DLGAP2: variants seen among roughly 807,000 people sequenced by gnomAD.
DLGAP2 encodes the protein disks large-associated protein 2.
Under a neutral mutation model 100.3 loss-of-function variants are expected in DLGAP2, and 26 were observed. That is an observed-to-expected ratio of 0.26 (90% CI 0.19 to 0.36). The LOEUF (loss-of-function observed/expected upper bound fraction) is 0.36. Among genes scored for constraint, DLGAP2 ranks in the 10% least tolerant of loss-of-function variants. The pLI, the probability that DLGAP2 is intolerant of heterozygous loss-of-function variation, is 1.00. For missense variants in DLGAP2, 1,858 were observed against 1,453.2 expected, an observed-to-expected ratio of 1.28 and a Z score of -4.53; for synonymous variants, 886 against 630.1, an observed-to-expected ratio of 1.41 and a Z score of -6.08.
chr8:1,615,523 C>G (rs964755561), intron 6 of DLGAP2, among the ~76,000 whole-genome samples: 1 of 152,082 alleles, frequency 6.6e-6, no homozygotes, highest in Non-Finnish European at 1.5e-5. Flanking sequence ...ATTGTAAGGT[C>G]TTATGAATGA....
Position 1,495,086 on chromosome 8 carries a change from C to T in DLGAP2, c.107-6280C>T, listed in dbSNP as rs1799504556. Among the ~76,000 whole-genome samples the T allele has an allele frequency of 2.0e-5, 3 of 152,338 alleles. No individual in the cohort carries two copies. The South Asian group carries it at 6.2e-4, about 32-fold the overall frequency. On this transcript the variant is annotated intron_variant, in intron 3 of 14. Coordinates refer to ENST00000637795, the MANE Select transcript of DLGAP2 (RefSeq NM_001346810.2). Reference sequence around the variant, plus strand: ...CCAGGACCGACACCAGGTGGCAGCTCAGCCCCTGGCGGTCTTGGTGCCCTC... The same window carrying T: ...CCAGGACCGACACCAGGTGGCAGCTTAGCCCCTGGCGGTCTTGGTGCCCTC...
At chr8:1,320,652 C>G (rs1357268878) in intron 3 of DLGAP2, among the ~76,000 whole-genome samples, 1 of 152,186 alleles carries the variant, frequency 6.6e-6, no homozygotes, top group Admixed American at 6.5e-5. Flanking sequence ...CAGGTGTCCC[C>G]AAGCACGACA....
At chr8:1,115,369 C>T (rs1048378340) in intron 2 of DLGAP2, among the ~76,000 whole-genome samples, 1 of 152,120 alleles carries the variant, frequency 6.6e-6, no homozygotes, top group Non-Finnish European at 1.5e-5. Context: ...TCTGGGTGCT[C>T]CTGTGTTGGA....
chr8:839,029 A>C (rs569915035), intron 1 of DLGAP2, among the ~76,000 whole-genome samples: 1 of 152,224 alleles, frequency 6.6e-6, no homozygotes, highest in Admixed American at 6.5e-5. Flanking sequence ...ATATGACCAC[A>C]GTGGGATATC....
chr8:786,424 C>T (rs887332579), intron 1 of DLGAP2, among the ~76,000 whole-genome samples: 10 of 152,110 alleles, frequency 6.6e-5, no homozygotes, highest in African/African-American at 1.9e-4. Context: ...AAAGAATGAC[C>T]GAGAGGGAAG....
chr8:1,668,737 G>A, intron 9 of DLGAP2, 59 bp downstream of exon 9: 2 of 1,428,074 alleles, frequency 1.4e-6, no homozygotes, highest in Non-Finnish European at 1.8e-6. Flanking sequence ...CAATAGCCTA[G>A]AATAAGCCAA....
At chr8:1,323,526 C>A (rs548155971) in intron 3 of DLGAP2, among the ~76,000 whole-genome samples, 1 of 152,148 alleles carries the variant, frequency 6.6e-6, no homozygotes, top group Non-Finnish European at 1.5e-5. Flanking sequence ...AGTACCAGGG[C>A]GAGTGTAGTG....
At position 1,697,218 on chromosome 8, in the gene DLGAP2, T is replaced by G; in HGVS notation, c.2868T>G (p.Ile956Met). 1 of 1,611,834 alleles carries G rather than the reference T, an allele frequency of 6.2e-7. No individual in the cohort carries two copies. The highest frequency in any genetic ancestry group is 8.5e-7 in the Non-Finnish European group (1 of 1,178,914). Residue 956 changes from isoleucine (I) to methionine (M), a missense_variant, in exon 14 of 15, where the codon ATT becomes ATG. Coordinates refer to ENST00000637795, the MANE Select transcript of DLGAP2 (RefSeq NM_001346810.2). ...ACTGGGACATGCTGCAGCTCTCCAT[T>G]GAGGACGTCAGCATGAAGTTCGACG... ...AGYWDMLQLS[I>M]EDVSMKFDEL... is the part of the protein sequence containing the mutation.
chr8:1,146,774 C>T (rs1018972509), intron 2 of DLGAP2, among the ~76,000 whole-genome samples: 1 of 152,206 alleles, frequency 6.6e-6, no homozygotes, highest in Admixed American at 6.5e-5. Context: ...ACAAGCCGTC[C>T]CCACTGTCCT....
At chr8:939,877 G>C (rs1337458481) in intron 2 of DLGAP2, among the ~76,000 whole-genome samples, 1 of 151,768 alleles carries the variant, frequency 6.6e-6, no homozygotes, top group Non-Finnish European at 1.5e-5. Flanking sequence ...CACAGGGGCT[G>C]GGGTGCCCAC....
chr8:804,512 G>A (rs904048262), intron 1 of DLGAP2, among the ~76,000 whole-genome samples: 8 of 152,156 alleles, frequency 5.3e-5, no homozygotes, highest in African/African-American at 1.7e-4. Flanking sequence ...ATCAGGTGAC[G>A]AGATGCAGGG....
intron 8 of DLGAP2, among the ~76,000 whole-genome samples, chr8:1,634,993 C>T (rs1797734274): frequency 6.6e-6 from 1 of 152,106 alleles, no homozygotes; most frequent in Non-Finnish European, 1.5e-5. Flanking sequence ...CTAGGTGATG[C>T]AGGGGACTGT....
At chr8:1,654,045 A>T (rs1252524727) in intron 8 of DLGAP2, among the ~76,000 whole-genome samples, 3 of 152,232 alleles carry the variant, frequency 2.0e-5, no homozygotes, top group Admixed American at 2.0e-4. Flanking sequence ...TGCCATGTGC[A>T]TGGTAAAAAT....
At chr8:783,116 C>T (rs1343110219) in intron 1 of DLGAP2, among the ~76,000 whole-genome samples, 3 of 152,182 alleles carry the variant, frequency 2.0e-5, no homozygotes, top group South Asian at 4.1e-4. Flanking sequence ...ATAATGTGAC[C>T]AACACAAGGT....
intron 2 of DLGAP2, among the ~76,000 whole-genome samples, chr8:994,281 A>C (rs1429633888): frequency 2.6e-5 from 4 of 151,988 alleles, no homozygotes; most frequent in Non-Finnish European, 5.9e-5. Context: ...GCTCACTGCA[A>C]CCTCCACCTC....
chr8:1,392,306 G>T (rs900712981), intron 3 of DLGAP2, among the ~76,000 whole-genome samples: 1 of 152,130 alleles, frequency 6.6e-6, no homozygotes, highest in African/African-American at 2.4e-5. Flanking sequence ...GGGTTGAGGC[G>T]CCATCTGGAT....
At chr8:765,995 A>G (rs961024050) in intron 1 of DLGAP2, among the ~76,000 whole-genome samples, 17 of 152,118 alleles carry the variant, frequency 1.1e-4, no homozygotes, top group African/African-American at 3.4e-4. Context: ...GGTGAAACCC[A>G]GTCTCTACTA....
intron 4 of DLGAP2, among the ~76,000 whole-genome samples, chr8:1,526,961 G>T: frequency 6.6e-6 from 1 of 152,222 alleles, no homozygotes; most frequent in Admixed American, 6.5e-5. Flanking sequence ...CTCGAGTTAG[G>T]CTGCAAGCAG....
chr8:1,026,429 C>T (rs1801802234), intron 2 of DLGAP2, among the ~76,000 whole-genome samples: 1 of 152,180 alleles, frequency 6.6e-6, no homozygotes, highest in Non-Finnish European at 1.5e-5. Flanking sequence ...TTGGCTGCAC[C>T]CTGGAATGCC....
Sources: allele counts gnomAD v4.1 joint callset (sites outside exome capture counted in the v4.1 genomes callset), GRCh38; gene constraint gnomAD v4.1.1; transcripts MANE v1.5; gene names NCBI Gene and HGNC (gene_info 2026-07-23, HGNC 2026-07-21).